The following DLGAP2 variants were observed in gnomAD, a reference collection of about 807,000 sequenced individuals.
DLGAP2 encodes DLG associated protein 2, also known as disks large-associated protein 2.
DLGAP2 carries 26 observed loss-of-function variants against 100.3 expected under a neutral mutation model. The ratio of observed to expected loss-of-function variants is 0.26; its 90% CI spans 0.19 to 0.36. The LOEUF is 0.36. DLGAP2 is among the 10% of genes least tolerant of loss of function. DLGAP2 has a pLI of 1.00. For missense variants in DLGAP2, 1,858 were observed against 1,453.2 expected, an observed-to-expected ratio of 1.28 and a Z score of -4.53; for synonymous variants, 886 against 630.1, an observed-to-expected ratio of 1.41 and a Z score of -6.08.
intron 8 of DLGAP2, among the ~76,000 whole-genome samples, chr8:1,640,798 A>C (rs1329599419): frequency 6.6e-6 from 1 of 152,212 alleles, no homozygotes; most frequent in Admixed American, 6.5e-5. Context: ...CTTGTGTTTT[A>C]CAGTAAATGA....
At chr8:1,586,561 C>T (rs898443633) in intron 6 of DLGAP2, among the ~76,000 whole-genome samples, 1 of 152,190 alleles carries the variant, frequency 6.6e-6, no homozygotes, top group African/African-American at 2.4e-5. Flanking sequence ...TTAGCAACCT[C>T]GATTCCACCT....
intron 2 of DLGAP2, among the ~76,000 whole-genome samples, chr8:1,191,861 A>AATAG (rs1430321688): frequency 6.6e-6 from 1 of 152,222 alleles, no homozygotes; most frequent in Non-Finnish European, 1.5e-5. Context: ...CATTACAGTC[A>AATAG]ATAGGAAGCG....
At chr8:1,478,630 C>A (rs1373590451) in intron 3 of DLGAP2, among the ~76,000 whole-genome samples, 1 of 152,142 alleles carries the variant, frequency 6.6e-6, no homozygotes. Context: ...CCACAAGGCC[C>A]TCCTTTCTCT....
chr8:1,635,168 T>A (rs1172833723), intron 8 of DLGAP2, among the ~76,000 whole-genome samples: 1 of 152,244 alleles, frequency 6.6e-6, no homozygotes, highest in Admixed American at 6.5e-5. Flanking sequence ...TGTATATTAG[T>A]TATTTAAATC....
intron 2 of DLGAP2, among the ~76,000 whole-genome samples, chr8:1,089,562 C>G (rs1804103055): frequency 1.3e-5 from 2 of 152,216 alleles, no homozygotes; most frequent in South Asian, 4.1e-4. Flanking sequence ...CCTTGCCATG[C>G]AGGCTGAGAG....
intron 3 of DLGAP2, among the ~76,000 whole-genome samples, chr8:1,293,899 T>C (rs1800113884): frequency 6.6e-6 from 1 of 152,260 alleles, no homozygotes; most frequent in African/African-American, 2.4e-5. Flanking sequence ...ACAGATGTGC[T>C]GAGGTCCTAA....
intron 4 of DLGAP2, among the ~76,000 whole-genome samples, chr8:1,527,633 T>G (rs531284643): frequency 1.3e-5 from 2 of 152,222 alleles, no homozygotes; most frequent in Admixed American, 1.3e-4. Context: ...TACGCTTCCT[T>G]TTATAACCTA....
chr8:765,027 T>C (rs899589985), intron 1 of DLGAP2, among the ~76,000 whole-genome samples: 4 of 152,214 alleles, frequency 2.6e-5, no homozygotes, highest in Middle Eastern at 3.2e-3. Flanking sequence ...GCAAATTTTA[T>C]TGAAAAGTTT....
intron 3 of DLGAP2, among the ~76,000 whole-genome samples, chr8:1,378,716 T>C (rs537889660): frequency 6.6e-6 from 1 of 152,398 alleles, no homozygotes; most frequent in East Asian, 1.9e-4. Context: ...CCCTCATTTT[T>C]GGAAAGTCAC....
rs536572969 is a variant in DLGAP2 at position 1,254,403 on chromosome 8, C to G, written c.74-4448C>G. On this transcript the variant is annotated intron_variant, in intron 2 of 14. Transcript: ENST00000637795. ...ATGTTCACTCCGTTTTCCTGAGTGT[C>G]ATGCCAAGGTCTCAGTGGTCACATT... Among the ~76,000 whole-genome samples the G allele has an allele frequency of 1.3e-4, 20 of 152,214 alleles. No individual in the cohort carries two copies. The South Asian group carries it at 4.0e-3, about 30-fold the overall frequency.
At chr8:1,688,504 C>T (rs1468631461) in intron 12 of DLGAP2, 2 of 152,120 alleles carry the variant, frequency 1.3e-5, no homozygotes, top group African/African-American at 4.8e-5. Flanking sequence ...GTGGGGGTGA[C>T]AGTGGCCCTG....
At chr8:1,291,073 A>C (rs1297072742) in intron 3 of DLGAP2, among the ~76,000 whole-genome samples, 1 of 152,218 alleles carries the variant, frequency 6.6e-6, no homozygotes, top group South Asian at 2.1e-4. Flanking sequence ...TCCTGAAAAC[A>C]TAACAGTCAC....
chr8:1,173,346 G>C (rs1797173509), intron 2 of DLGAP2, among the ~76,000 whole-genome samples: 1 of 152,234 alleles, frequency 6.6e-6, no homozygotes, highest in East Asian at 1.9e-4. Flanking sequence ...AGACCCACTT[G>C]AGGAGGCAGT....
chr8:883,962 A>G (rs190631349), intron 1 of DLGAP2, among the ~76,000 whole-genome samples: 8 of 152,338 alleles, frequency 5.3e-5, no homozygotes, highest in Non-Finnish European at 7.4e-5. Context: ...CCTGAAAAGG[A>G]CATGATCTCT....
intron 2 of DLGAP2, among the ~76,000 whole-genome samples, chr8:1,091,993 T>C (rs1030272962): frequency 6.6e-5 from 10 of 152,192 alleles, no homozygotes; most frequent in Non-Finnish European, 4.4e-5. Flanking sequence ...TTTCTGATTG[T>C]TCAGTAGTGA....
Position 1,497,951 on chromosome 8 carries a change from A to G in DLGAP2, c.107-3415A>G, listed in dbSNP as rs561861669. Among the ~76,000 whole-genome samples, 4 of 152,344 alleles carry G rather than the reference A, an allele frequency of 2.6e-5. No individual in the cohort carries two copies. The East Asian group carries it at 7.7e-4, about 29-fold the overall frequency. Reference sequence around the variant, plus strand: ...GCACAGCCCTCAGGAGATCCTGAGAACATGTGTCCAGTGTGGTCAAGATAC... The same window carrying G: ...GCACAGCCCTCAGGAGATCCTGAGAGCATGTGTCCAGTGTGGTCAAGATAC... On this transcript the variant is annotated intron_variant, in intron 3 of 14. Transcript: ENST00000637795.
intron 2 of DLGAP2, among the ~76,000 whole-genome samples, chr8:1,009,745 C>G (rs1338766669): frequency 1.3e-5 from 2 of 152,168 alleles, no homozygotes; most frequent in Non-Finnish European, 2.9e-5. Context: ...AGTGGGCCAC[C>G]TCTCATTTGT....
chr8:812,408 C>T (rs915761116), intron 1 of DLGAP2, among the ~76,000 whole-genome samples: 8 of 152,148 alleles, frequency 5.3e-5, no homozygotes, highest in African/African-American at 1.7e-4. Context: ...TGTACGGCTT[C>T]TCCCTTCTGC....
At chr8:1,449,629 A>T (rs1447947415) in intron 3 of DLGAP2, among the ~76,000 whole-genome samples, 1 of 152,162 alleles carries the variant, frequency 6.6e-6, no homozygotes, top group Non-Finnish European at 1.5e-5. Context: ...GGCAATGCTG[A>T]GGCTGAGGGT....
Sources: gnomAD v4.1 joint callset for allele counts (sites outside exome capture counted in the v4.1 genomes callset) on GRCh38, gnomAD v4.1.1 for gene constraint, MANE v1.5 for transcripts, NCBI Gene and HGNC (gene_info 2026-07-23, HGNC 2026-07-21) for gene names.